ROBO2: variants seen among roughly 807,000 people sequenced by gnomAD.
ROBO2 encodes the protein roundabout homolog 2.
A neutral mutation model predicts 160.8 loss-of-function variants in ROBO2; 53 were observed. The observed-to-expected ratio is 0.33, with a 90% confidence interval of 0.26 to 0.41. The LOEUF is 0.41. Among genes scored for constraint, ROBO2 ranks in the 10% least tolerant of loss-of-function variants. The pLI is 1.00. For missense variants in ROBO2, 1,577 were observed against 1,722.4 expected, an observed-to-expected ratio of 0.92 and a Z score of 1.49; for synonymous variants, 664 against 611.7, an observed-to-expected ratio of 1.09 and a Z score of -1.26.
intron 2 of ROBO2, among the ~76,000 whole-genome samples, chr3:77,346,808 C>T (rs762848213): frequency 1.3e-5 from 2 of 152,234 alleles, no homozygotes; most frequent in South Asian, 2.1e-4. Flanking sequence ...GCCGGCAAAA[C>T]GATCAAGTCC....
At chr3:77,085,634 C>T (rs1017963414) in intron 1 of ROBO2, among the ~76,000 whole-genome samples, 18 of 151,992 alleles carry the variant, frequency 1.2e-4, no homozygotes, top group Admixed American at 5.2e-4. Flanking sequence ...ATACAAACTT[C>T]AGGAAAGATC....
chr3:76,426,820 G>T (rs1346133632), intron 2 of ROBO2, among the ~76,000 whole-genome samples: 1 of 152,056 alleles, frequency 6.6e-6, no homozygotes, highest in African/African-American at 2.4e-5. Flanking sequence ...GTGATGAATT[G>T]CAGAATACTG....
chr3:76,951,200 A>G (rs902105795), intron 2 of ROBO2, among the ~76,000 whole-genome samples: 1 of 152,286 alleles, frequency 6.6e-6, no homozygotes, highest in Non-Finnish European at 1.5e-5. Flanking sequence ...TCCATTCTCT[A>G]CTGTGATCTG....
intron 24 of ROBO2, chr3:77,642,905 A>G: frequency 2.2e-6 from 1 of 456,622 alleles, no homozygotes; most frequent in Non-Finnish European, 4.4e-6. Flanking sequence ...CGACAAGAAG[A>G]TATACGGAAA....
At chr3:76,193,681 G>A (rs1370537331) in intron 2 of ROBO2, among the ~76,000 whole-genome samples, 1 of 152,180 alleles carries the variant, frequency 6.6e-6, no homozygotes, top group Non-Finnish European at 1.5e-5. Context: ...GTAAAGATCA[G>A]ACATTTGTCA....
At chr3:76,886,186 A>G (rs1367215783) in intron 2 of ROBO2, among the ~76,000 whole-genome samples, 1 of 152,002 alleles carries the variant, frequency 6.6e-6, no homozygotes, top group Non-Finnish European at 1.5e-5. Context: ...ACTTCCTAAT[A>G]AAGAATTAGC....
intron 6 of ROBO2, among the ~76,000 whole-genome samples, chr3:77,542,124 A>C (rs2092491391): frequency 6.6e-6 from 1 of 152,226 alleles, no homozygotes; most frequent in South Asian, 2.1e-4. Flanking sequence ...AGAGACACTG[A>C]AACTGTGGAG....
At chr3:76,715,528 T>G (rs1381495259) in intron 2 of ROBO2, among the ~76,000 whole-genome samples, 1 of 152,174 alleles carries the variant, frequency 6.6e-6, no homozygotes, top group African/African-American at 2.4e-5. Context: ...TTGTATCACT[T>G]ACACCTAATA....
In ROBO2 at chr3:77,345,233, C is replaced by G. The variant is rs565201543; in HGVS notation, c.389-132181C>G. Among the ~76,000 whole-genome samples, 3 of 152,204 alleles carry G rather than the reference C, an allele frequency of 2.0e-5. No individual in the cohort carries two copies. In the South Asian group the frequency reaches 6.2e-4, roughly 32 times the overall value. On this transcript the variant is annotated intron_variant, in intron 2 of 25. Transcript: ENST00000461745. ...GTTGGTTGGTGGCAGGAGGCCTTAGCTCCTCCCTGCTGGGTGTCCCCACAG... is the reference window on the plus strand; with the variant it reads ...GTTGGTTGGTGGCAGGAGGCCTTAGGTCCTCCCTGCTGGGTGTCCCCACAG...
chr3:76,814,426 G>A (rs564287702), intron 2 of ROBO2, among the ~76,000 whole-genome samples: 3 of 152,216 alleles, frequency 2.0e-5, no homozygotes, highest in Admixed American at 6.5e-5. Context: ...AGCTGTCACT[G>A]TAAGGAGCAA....
intron 2 of ROBO2, among the ~76,000 whole-genome samples, chr3:76,779,572 G>T (rs1259959285): frequency 3.3e-5 from 5 of 150,830 alleles, no homozygotes; most frequent in Non-Finnish European, 7.4e-5. Context: ...GGCTATTTTA[G>T]GTTCTACATA....
chr3:76,099,119 T>C (rs2069576575), intron 2 of ROBO2, among the ~76,000 whole-genome samples: 1 of 152,100 alleles, frequency 6.6e-6, no homozygotes, highest in Non-Finnish European at 1.5e-5. Context: ...CAAGTGAAAA[T>C]AGCGTTCTTA....
intron 2 of ROBO2, among the ~76,000 whole-genome samples, chr3:77,409,324 C>G (rs1222381361): frequency 2.6e-5 from 4 of 151,760 alleles, no homozygotes; most frequent in Non-Finnish European, 5.9e-5. Flanking sequence ...CTGAATCTTA[C>G]TCTTTTTGTA....
intron 2 of ROBO2, among the ~76,000 whole-genome samples, chr3:77,286,401 C>T (rs540040420): frequency 6.6e-6 from 1 of 150,450 alleles, no homozygotes; most frequent in African/African-American, 2.4e-5. Context: ...GGACTACAGG[C>T]ACATGCCACC....
intron 2 of ROBO2, among the ~76,000 whole-genome samples, chr3:77,260,963 C>T (rs1267354526): frequency 6.6e-6 from 1 of 152,110 alleles, no homozygotes; most frequent in Non-Finnish European, 1.5e-5. Flanking sequence ...TCTTGGAAGC[C>T]TCCTCCTGGT....
intron 2 of ROBO2, among the ~76,000 whole-genome samples, chr3:76,903,599 C>A (rs2075381934): frequency 6.6e-6 from 1 of 152,134 alleles, no homozygotes; most frequent in African/African-American, 2.4e-5. Context: ...AGGCTTTTCT[C>A]TCCTTCCTCT....
intron 20 of ROBO2, among the ~76,000 whole-genome samples, chr3:77,605,863 C>T (rs190603286): frequency 3.3e-5 from 5 of 152,122 alleles, no homozygotes; most frequent in South Asian, 2.1e-4. Context: ...CCATGGAAAA[C>T]GAAAAGCACT....
chr3:76,384,093 T>C (rs1456957408), intron 2 of ROBO2, among the ~76,000 whole-genome samples: 1 of 152,236 alleles, frequency 6.6e-6, no homozygotes, highest in East Asian at 1.9e-4. Context: ...AAATCTGCCA[T>C]GTTAATCAAG....
At chr3:76,844,824 A>C (rs2068629160) in intron 2 of ROBO2, among the ~76,000 whole-genome samples, 1 of 151,962 alleles carries the variant, frequency 6.6e-6, no homozygotes, top group Non-Finnish European at 1.5e-5. Flanking sequence ...TAAAATTGCA[A>C]AATAAAGATG....
Sources: allele counts gnomAD v4.1 joint callset (sites outside exome capture counted in the v4.1 genomes callset), GRCh38; gene constraint gnomAD v4.1.1; transcripts MANE v1.5; gene names NCBI Gene and HGNC (gene_info 2026-07-23, HGNC 2026-07-21).